The following NPAS3 variants were observed in gnomAD, a reference collection of about 807,000 sequenced individuals.
NPAS3 encodes the protein neuronal PAS domain-containing protein 3.
A neutral mutation model predicts 73.1 loss-of-function variants in NPAS3; 14 were observed. The observed-to-expected ratio is 0.19, with a 90% CI of 0.13 to 0.30. NPAS3 has a LOEUF of 0.30. NPAS3 is among the 10% of genes least tolerant of loss of function. The probability of loss-of-function intolerance (pLI) is 1.00; values close to 1 mark genes in which losing one functional copy is unlikely to be tolerated. For missense variants in NPAS3, 1,096 were observed against 1,250.0 expected, an observed-to-expected ratio of 0.88 and a Z score of 1.86; for synonymous variants, 620 against 541.5, an observed-to-expected ratio of 1.14 and a Z score of -2.01.
At chr14:33,689,617 C>G (rs1195010053) in intron 6 of NPAS3, among the ~76,000 whole-genome samples, 1 of 152,126 alleles carries the variant, frequency 6.6e-6, no homozygotes, top group African/African-American at 2.4e-5. Flanking sequence ...CACAGACATA[C>G]CCACAGATAC....
chr14:33,185,234 C>T (rs1217516622), intron 2 of NPAS3, among the ~76,000 whole-genome samples: 2 of 152,176 alleles, frequency 1.3e-5, no homozygotes, highest in African/African-American at 4.8e-5. Context: ...CCATTTTCCT[C>T]CTCAGTATGA....
intron 4 of NPAS3, among the ~76,000 whole-genome samples, chr14:33,525,441 T>C (rs1409154540): frequency 6.6e-6 from 1 of 152,218 alleles, no homozygotes; most frequent in Non-Finnish European, 1.5e-5. Context: ...TTGGAAATTC[T>C]CAGTAATAAT....
At chr14:33,097,333 T>G (rs1330492115) in intron 2 of NPAS3, among the ~76,000 whole-genome samples, 1 of 152,240 alleles carries the variant, frequency 6.6e-6, no homozygotes, top group African/African-American at 2.4e-5. Flanking sequence ...ATGTTTGACT[T>G]TTGTTTTGCT....
At chr14:33,033,092 A>G (rs1228474072) in intron 1 of NPAS3, among the ~76,000 whole-genome samples, 2 of 152,216 alleles carry the variant, frequency 1.3e-5, no homozygotes, top group Non-Finnish European at 2.9e-5. Context: ...TATGTTGACA[A>G]AGAAATGTAG....
intron 1 of NPAS3, among the ~76,000 whole-genome samples, chr14:33,016,271 C>G (rs1451574024): frequency 6.6e-6 from 1 of 152,080 alleles, no homozygotes; most frequent in African/African-American, 2.4e-5. Context: ...AAAATTTTTG[C>G]CCCGCTTAAT....
At chr14:33,550,590 C>A (rs1349001995) in intron 4 of NPAS3, among the ~76,000 whole-genome samples, 2 of 152,334 alleles carry the variant, frequency 1.3e-5, no homozygotes, top group South Asian at 2.1e-4. Flanking sequence ...TGTGGACAGG[C>A]AGCGTACGCT....
At chr14:33,099,700 G>A (rs1382444565) in intron 2 of NPAS3, among the ~76,000 whole-genome samples, 1 of 152,182 alleles carries the variant, frequency 6.6e-6, no homozygotes, top group East Asian at 1.9e-4. Context: ...AGGGATAGTT[G>A]GGAGTCTATT....
intron 2 of NPAS3, among the ~76,000 whole-genome samples, chr14:33,105,196 G>C (rs2042687269): frequency 6.6e-6 from 1 of 152,132 alleles, no homozygotes; most frequent in Non-Finnish European, 1.5e-5. Flanking sequence ...CAAATTTGTA[G>C]TTATTTATGC....
chr14:33,005,930 C>A (rs1470845490), intron 1 of NPAS3, among the ~76,000 whole-genome samples: 3 of 152,164 alleles, frequency 2.0e-5, no homozygotes, highest in Non-Finnish European at 4.4e-5. Flanking sequence ...GGAAACTCTG[C>A]CCCTAACACT....
At chr14:33,400,383 A>T (rs1238372489) in intron 4 of NPAS3, among the ~76,000 whole-genome samples, 3 of 152,166 alleles carry the variant, frequency 2.0e-5, no homozygotes, top group African/African-American at 7.2e-5. Context: ...CTCATGGAAA[A>T]TTTAAGTCAA....
At chr14:33,712,613 A>C (rs1372508591) in intron 6 of NPAS3, among the ~76,000 whole-genome samples, 1 of 152,194 alleles carries the variant, frequency 6.6e-6, no homozygotes, top group African/African-American at 2.4e-5. Flanking sequence ...CTGATAACCT[A>C]GATGTCAAGA....
intron 2 of NPAS3, among the ~76,000 whole-genome samples, chr14:33,165,005 A>T (rs2045069930): frequency 6.6e-6 from 1 of 152,180 alleles, no homozygotes; most frequent in Non-Finnish European, 1.5e-5. Flanking sequence ...AATGCAGAAA[A>T]ATGTACTGAA....
chr14:33,661,947 C>T (rs769596318), intron 5 of NPAS3, among the ~76,000 whole-genome samples: 1 of 152,178 alleles, frequency 6.6e-6, no homozygotes, highest in Non-Finnish European at 1.5e-5. Context: ...TAAGGCAAAA[C>T]TGAAGGGGTT....
chr14:33,219,273 A>G (rs555943996), intron 3 of NPAS3, among the ~76,000 whole-genome samples: 33 of 152,184 alleles, frequency 2.2e-4, no homozygotes, highest in Non-Finnish European at 3.8e-4. Context: ...CTGATTTGAC[A>G]TTTGCTAAAA....
intron 2 of NPAS3, among the ~76,000 whole-genome samples, chr14:33,190,973 A>G (rs189950871): frequency 6.6e-6 from 1 of 152,138 alleles, no homozygotes; most frequent in Non-Finnish European, 1.5e-5. Context: ...ATTCCCCCCC[A>G]CAATTCTTTA....
chr14:33,574,462 G>T (rs188497069), intron 5 of NPAS3, among the ~76,000 whole-genome samples: 1 of 152,114 alleles, frequency 6.6e-6, no homozygotes, highest in Non-Finnish European at 1.5e-5. Flanking sequence ...ACTGTCATTG[G>T]CTAGCGCCCA....
At chr14:33,108,269 C>T (rs1420471377) in intron 2 of NPAS3, among the ~76,000 whole-genome samples, 3 of 150,062 alleles carry the variant, frequency 2.0e-5, no homozygotes, top group Admixed American at 1.3e-4. Flanking sequence ...TCTTGGCTCA[C>T]TGCAACCTCC....
At chr14:33,226,428 T>C (rs570732195) in intron 3 of NPAS3, among the ~76,000 whole-genome samples, 9 of 152,338 alleles carry the variant, frequency 5.9e-5, no homozygotes, top group East Asian at 5.8e-4. Flanking sequence ...AGAAATAAGA[T>C]GTTTGAGATC....
At position 33,800,381 on chromosome 14, in the gene NPAS3, C is replaced by A. The variant is rs779790207; in HGVS notation, c.2074C>A (p.Pro692Thr). 7.2e-5 allele frequency: 116 copies of A among 1,607,800 alleles called. 2 individuals are homozygous for A. Among genetic ancestry groups the A allele is most frequent in the South Asian group, 5.7e-4 (52 of 90,544 alleles). Residue 692 changes from proline (P) to threonine (T), a missense_variant, in exon 12 of 12, where the codon CCG becomes ACG. Transcript: ENST00000356141. This position sits in a 1 kb window ranked among gnomAD's most constrained non-coding sequence, Gnocchi z 6.5. ...CAAGCCCCCCAGCTCTGAGCACTTC[C>A]CGTCCCCGCAGGGCGGCGGCGGTGG...
Sources: allele counts gnomAD v4.1 joint callset (sites outside exome capture counted in the v4.1 genomes callset), GRCh38; gene constraint gnomAD v4.1.1; non-coding constraint Gnocchi (gnomAD v3.1); transcripts MANE v1.5; gene names NCBI Gene and HGNC (gene_info 2026-07-23, HGNC 2026-07-21).